Variants in ABL1 observed in about 807,000 individuals in gnomAD.
ABL1 encodes the protein tyrosine-protein kinase ABL1.
Under a neutral mutation model 94.7 loss-of-function variants are expected in ABL1, and 11 were observed. The observed-to-expected ratio is 0.12, with a 90% confidence interval of 0.07 to 0.19. The LOEUF is 0.19. Among genes scored for constraint, ABL1 ranks in the 10% least tolerant of loss-of-function variants. The pLI, the probability that ABL1 is intolerant of heterozygous loss-of-function variation, is 1.00. For missense variants in ABL1, 1,082 were observed against 1,489.4 expected (o/e 0.73, Z 4.50); for synonymous variants, 656 against 622.4 (o/e 1.05, Z -0.80).
intron 1 of ABL1, among the ~76,000 whole-genome samples, chr9:130,823,447 A>G (rs1004247382): frequency 6.6e-6 from 1 of 152,164 alleles, no homozygotes; most frequent in Non-Finnish European, 1.5e-5. Flanking sequence ...TACAGACCCA[A>G]AATAGGAGCA....
chr9:130,859,916 T>C (rs1213310245), intron 3 of ABL1, among the ~76,000 whole-genome samples: 1 of 152,058 alleles, frequency 6.6e-6, no homozygotes, highest in African/African-American at 2.4e-5. Flanking sequence ...CCTGACCTCG[T>C]GATCTGCCCT....
chr9:130,865,424 T>C (rs1437675221), intron 4 of ABL1, among the ~76,000 whole-genome samples: 1 of 152,222 alleles, frequency 6.6e-6, no homozygotes, highest in Admixed American at 6.5e-5. Flanking sequence ...ATAAGATTAG[T>C]GTAAATATGG....
At chr9:130,839,644 T>A (rs1830639274) in intron 1 of ABL1, among the ~76,000 whole-genome samples, 1 of 152,210 alleles carries the variant, frequency 6.6e-6, no homozygotes, top group South Asian at 2.1e-4. Flanking sequence ...CCAGTTTTCC[T>A]CTGACCTCTC....
At chr9:130,874,710 C>T (rs914857205) in intron 6 of ABL1, among the ~76,000 whole-genome samples, 158 bp from the exon 7 acceptor site, 2 of 152,224 alleles carry the variant, frequency 1.3e-5, no homozygotes, top group Admixed American at 6.5e-5. Context: ...TGCTGAGAGG[C>T]TGGCACTGTG....
At chr9:130,762,321 A>T (rs1262462135) in intron 1 of ABL1, among the ~76,000 whole-genome samples, 2 of 152,234 alleles carry the variant, frequency 1.3e-5, no homozygotes, top group East Asian at 1.9e-4. Flanking sequence ...TGCCTTTAAA[A>T]ATATATATAT....
chr9:130,876,938 T>C (rs1296719703), intron 7 of ABL1, among the ~76,000 whole-genome samples: 1 of 146,932 alleles, frequency 6.8e-6, no homozygotes, highest in South Asian at 2.1e-4. Flanking sequence ...GGGGTTTCAC[T>C]GCGTTAGCCA....
chr9:130,781,882 G>C (rs1471266669), intron 1 of ABL1, among the ~76,000 whole-genome samples: 1 of 151,984 alleles, frequency 6.6e-6, no homozygotes, highest in Non-Finnish European at 1.5e-5. Flanking sequence ...TGGCTTTCAA[G>C]CATTGTGACC....
chr9:130,861,485 G>A (rs1468011457), intron 3 of ABL1, among the ~76,000 whole-genome samples: 1 of 152,202 alleles, frequency 6.6e-6, no homozygotes, highest in East Asian at 1.9e-4. Flanking sequence ...CAGACGTATA[G>A]TAATGGTGCC....
At chr9:130,864,343 T>C (rs1258130842) in intron 4 of ABL1, among the ~76,000 whole-genome samples, 4 of 152,110 alleles carry the variant, frequency 2.6e-5, no homozygotes, top group African/African-American at 4.8e-5. Context: ...CCTCCCCAAA[T>C]TGGCGATTCT....
At chr9:130,873,185 A>G in intron 6 of ABL1, 148 bp downstream of exon 6, 1 of 862,894 alleles carries the variant, frequency 1.2e-6, no homozygotes, top group Non-Finnish European at 1.7e-6. Context: ...ACAAAGGCAA[A>G]CACTAGGCTC....
chr9:130,886,064 T>C lies in ABL1; in HGVS notation c.*381T>C. 3.8e-6 allele frequency: 1 copy of C among 260,600 alleles called. No individual in the cohort carries two copies. Among genetic ancestry groups the C allele is most frequent in the South Asian group, 1.3e-4 (1 of 7,436 alleles). 16.1% of individuals were successfully genotyped at this position (260,600 alleles called of 1,614,324 possible). ...TTCATTTTTTTCTCTCTGGAGCCCCTCCTCCCCCGGCTGGGCCTCCTTCTT... is the reference window on the plus strand; with the variant it reads ...TTCATTTTTTTCTCTCTGGAGCCCCCCCTCCCCCGGCTGGGCCTCCTTCTT... On this transcript the variant is annotated 3_prime_UTR_variant, in exon 11 of 11. Coordinates refer to ENST00000318560, the MANE Select transcript of ABL1 (RefSeq NM_005157.6).
At chr9:130,831,571 T>C (rs1830495320), upstream of ABL1, among the ~76,000 whole-genome samples, 3 of 152,266 alleles carry the variant, frequency 2.0e-5, no homozygotes, top group African/African-American at 7.2e-5. Context: ...CCAGTGAAAA[T>C]AAGCAACTCT....
At chr9:130,733,956 C>G (rs1357219261) in intron 1 of ABL1, among the ~76,000 whole-genome samples, 2 of 152,074 alleles carry the variant, frequency 1.3e-5, no homozygotes, top group African/African-American at 4.8e-5. Flanking sequence ...TTATTCCTTT[C>G]TTTCAGTAGG....
At chr9:130,859,544 C>G (rs932645370) in intron 3 of ABL1, among the ~76,000 whole-genome samples, 5 of 152,046 alleles carry the variant, frequency 3.3e-5, no homozygotes, top group African/African-American at 1.2e-4. Context: ...TGCTTCCTGG[C>G]TGAGCAACCT....
intron 1 of ABL1, among the ~76,000 whole-genome samples, chr9:130,844,673 C>T (rs545787363): frequency 7.2e-5 from 11 of 152,126 alleles, no homozygotes; most frequent in African/African-American, 1.2e-4. Flanking sequence ...TGGTGGTAGG[C>T]GCCTGTAATC....
chr9:130,887,088 TTG>T lies in ABL1; in HGVS notation c.*1406_*1407del, dbSNP rs1402920625. 4.3e-6 allele frequency: 1 copy of T among 232,998 alleles called. No individual in the cohort carries two copies. Among genetic ancestry groups the T allele is most frequent in the Non-Finnish European group, 8.5e-6 (1 of 117,946 alleles). The allele number at this position is 232,998 out of a possible 1,614,324, so 14.4% of individuals were successfully genotyped here. On this transcript the variant is annotated 3_prime_UTR_variant, in exon 11 of 11. Coordinates refer to ENST00000318560, the MANE Select transcript of ABL1 (RefSeq NM_005157.6). ...GCAGGGACCCGGGGTCTCCTGGACC[TTG>T]ACAGAGCAGCTAACTCCGAGAGCAG...
intron 1 of ABL1, among the ~76,000 whole-genome samples, chr9:130,730,734 G>A (rs764713695): frequency 6.6e-6 from 1 of 151,540 alleles, no homozygotes; most frequent in African/African-American, 2.4e-5. Context: ...ACCACTTCTG[G>A]TTAATTTTGG....
chr9:130,750,372 C>T (rs1399876153), intron 1 of ABL1, among the ~76,000 whole-genome samples: 1 of 146,548 alleles, frequency 6.8e-6, no homozygotes, highest in African/African-American at 2.5e-5. Context: ...CCCCATCATC[C>T]TTCCTTCCCT....
At chr9:130,757,730 A>T (rs933240424) in intron 1 of ABL1, among the ~76,000 whole-genome samples, 1 of 151,638 alleles carries the variant, frequency 6.6e-6, no homozygotes, top group Non-Finnish European at 1.5e-5. Flanking sequence ...TGTTATAGAG[A>T]TGGGGTTTCA....
Sources: allele counts gnomAD v4.1 joint callset (sites outside exome capture counted in the v4.1 genomes callset), GRCh38; gene constraint gnomAD v4.1.1; transcripts MANE v1.5; gene names NCBI Gene and HGNC (gene_info 2026-07-23, HGNC 2026-07-21).